The following GALNTL6 variants were observed in gnomAD, a reference collection of about 807,000 sequenced individuals.
GALNTL6 encodes polypeptide N-acetylgalactosaminyltransferase like 6.
In GALNTL6, 46 loss-of-function variants were observed where a neutral mutation model predicts 73.7. The observed-to-expected ratio is 0.62, with a 90% CI of 0.49 to 0.80. GALNTL6 has a LOEUF of 0.80. Among genes scored for constraint, GALNTL6 ranks in the 30% least tolerant of loss-of-function variants. GALNTL6 has a pLI of 0.00. For synonymous variants in GALNTL6, 259 were observed against 263.7 expected, an observed-to-expected ratio of 0.98 and a Z score of 0.17; for missense variants, 604 against 755.0, an observed-to-expected ratio of 0.80 and a Z score of 2.34.
At chr4:172,893,397 AC>A (rs1189586061) in intron 8 of GALNTL6, among the ~76,000 whole-genome samples, 1 of 151,268 alleles carries the variant, frequency 6.6e-6, no homozygotes, top group Non-Finnish European at 1.5e-5. Context: ...TCAGCTCCAA[AC>A]CCCTGGACAG....
chr4:172,432,054 A>C (rs1160458610), intron 5 of GALNTL6, among the ~76,000 whole-genome samples: 5 of 152,110 alleles, frequency 3.3e-5, no homozygotes, highest in Non-Finnish European at 5.9e-5. Context: ...TTTTTAAAAA[A>C]TAAAATAGCG....
chr4:172,609,951 A>G (rs1201077961), intron 5 of GALNTL6, among the ~76,000 whole-genome samples: 2 of 151,688 alleles, frequency 1.3e-5, no homozygotes, highest in African/African-American at 2.4e-5. Context: ...GAATTTATCA[A>G]TTTATTCTAG....
At chr4:172,197,196 CA>C (rs1735801790) in intron 2 of GALNTL6, among the ~76,000 whole-genome samples, 2 of 150,250 alleles carry the variant, frequency 1.3e-5, no homozygotes, top group Non-Finnish European at 3.0e-5. Context: ...ACAATTGCTA[CA>C]AAAAGAATAA....
At chr4:171,894,055 G>C (rs1439530312) in intron 2 of GALNTL6, among the ~76,000 whole-genome samples, 1 of 147,898 alleles carries the variant, frequency 6.8e-6, no homozygotes, top group Non-Finnish European at 1.5e-5. Flanking sequence ...AAGTTTAGAC[G>C]TGCAGTTGCT....
intron 5 of GALNTL6, among the ~76,000 whole-genome samples, chr4:172,402,251 G>C (rs1361895296): frequency 6.6e-6 from 1 of 151,970 alleles, no homozygotes; most frequent in Non-Finnish European, 1.5e-5. Context: ...ACACTGTGAT[G>C]TTGTCCCTGT....
At chr4:172,124,162 A>C (rs966562256) in intron 2 of GALNTL6, among the ~76,000 whole-genome samples, 3 of 152,220 alleles carry the variant, frequency 2.0e-5, no homozygotes, top group Non-Finnish European at 4.4e-5. Context: ...GTCTGATGCC[A>C]TATTAGGTTT....
intron 10 of GALNTL6, among the ~76,000 whole-genome samples, chr4:172,996,886 T>C (rs1437445000): frequency 6.6e-6 from 1 of 152,178 alleles, no homozygotes; most frequent in Non-Finnish European, 1.5e-5. Flanking sequence ...TAGAGCCTCT[T>C]GCAAAGGTTA....
At chr4:172,862,198 A>G (rs535567092) in intron 7 of GALNTL6, among the ~76,000 whole-genome samples, 2 of 152,330 alleles carry the variant, frequency 1.3e-5, no homozygotes, top group Non-Finnish European at 2.9e-5. Flanking sequence ...TGATATGGAC[A>G]ATAAAGTCCA....
chr4:172,520,198 G>A (rs1159856450), intron 5 of GALNTL6, among the ~76,000 whole-genome samples: 1 of 151,776 alleles, frequency 6.6e-6, no homozygotes, highest in African/African-American at 2.4e-5. Flanking sequence ...GTTAATGTCG[G>A]TGTCAATACT....
chr4:172,568,482 C>T (rs1284663963), intron 5 of GALNTL6, among the ~76,000 whole-genome samples: 3 of 152,034 alleles, frequency 2.0e-5, no homozygotes, highest in African/African-American at 4.8e-5. Flanking sequence ...ATGGGCCGGG[C>T]GCGGTGGCTC....
At position 171,830,923 on chromosome 4, in the gene GALNTL6, A is replaced by G. The variant is rs139297419; in HGVS notation, c.138+16205A>G. Among the ~76,000 whole-genome samples, 360 of 152,252 alleles carry G rather than the reference A, an allele frequency of 2.4e-3. 8 individuals carry two copies. In the East Asian group the frequency reaches 0.026, roughly 11 times the overall value. ...AATGTGTGTTTACATTTAAATAACTACCACGGCAATTTAGGAAAAGCTTAT... is the reference window on the plus strand; with the variant it reads ...AATGTGTGTTTACATTTAAATAACTGCCACGGCAATTTAGGAAAAGCTTAT... On this transcript the variant is annotated intron_variant, in intron 2 of 12. Coordinates refer to ENST00000506823, the MANE Select transcript of GALNTL6 (RefSeq NM_001034845.3).
chr4:172,937,913 G>A (rs1402930542), intron 9 of GALNTL6, among the ~76,000 whole-genome samples: 1 of 151,996 alleles, frequency 6.6e-6, no homozygotes, highest in Non-Finnish European at 1.5e-5. Context: ...GCCCTATATA[G>A]CATATAGCAT....
At chr4:171,854,190 C>T (rs987362577) in intron 2 of GALNTL6, among the ~76,000 whole-genome samples, 9 of 152,186 alleles carry the variant, frequency 5.9e-5, no homozygotes, top group Admixed American at 5.2e-4. Context: ...GGGCAGTGTT[C>T]ATGTCCTTCC....
intron 5 of GALNTL6, among the ~76,000 whole-genome samples, chr4:172,569,857 G>C (rs1736695988): frequency 6.6e-6 from 1 of 152,162 alleles, no homozygotes; most frequent in South Asian, 2.1e-4. Flanking sequence ...GGATATGCGA[G>C]GGATTATGAG....
chr4:172,405,923 G>C (rs1054248485), intron 5 of GALNTL6, among the ~76,000 whole-genome samples: 1 of 151,892 alleles, frequency 6.6e-6, no homozygotes, highest in African/African-American at 2.4e-5. Context: ...TGATAGTATT[G>C]TGTCTACAAC....
At chr4:172,187,657 G>A (rs1012235176) in intron 2 of GALNTL6, among the ~76,000 whole-genome samples, 10 of 151,768 alleles carry the variant, frequency 6.6e-5, no homozygotes, top group Non-Finnish European at 1.3e-4. Flanking sequence ...CATTTTTAGG[G>A]GCTAAAAGTT....
chr4:171,975,928 G>A (rs1209264020), intron 2 of GALNTL6, among the ~76,000 whole-genome samples: 2 of 117,330 alleles, frequency 1.7e-5, no homozygotes. Flanking sequence ...TATACAAGCG[G>A]CATTTTTTTT....
intron 5 of GALNTL6, among the ~76,000 whole-genome samples, chr4:172,707,044 A>T (rs1286626969): frequency 6.6e-6 from 1 of 152,074 alleles, no homozygotes; most frequent in Non-Finnish European, 1.5e-5. Flanking sequence ...GTCTACCTCT[A>T]TTACACTTTT....
chr4:172,087,446 A>C (rs565263240), intron 2 of GALNTL6, among the ~76,000 whole-genome samples: 2,830 of 143,284 alleles, frequency 0.02, 34 homozygotes, highest in Non-Finnish European at 0.029. Flanking sequence ...CTCCATCCCA[A>C]AAAAAAAAAA....
Sources: gnomAD v4.1 joint callset for allele counts (sites outside exome capture counted in the v4.1 genomes callset) on GRCh38, gnomAD v4.1.1 for gene constraint, MANE v1.5 for transcripts, NCBI Gene and HGNC (gene_info 2026-07-23, HGNC 2026-07-21) for gene names.